The following FRMD6 variants were observed in gnomAD, a reference collection of about 807,000 sequenced individuals.
FRMD6 encodes FERM domain containing 6.
In FRMD6, 37 loss-of-function variants were observed where a neutral mutation model predicts 73.2. That is an observed-to-expected ratio of 0.51 (90% CI 0.39 to 0.66). FRMD6 has a LOEUF of 0.66. Ranked by LOEUF, FRMD6 falls within the 30% of genes least tolerant of loss-of-function variation. The pLI, the probability that FRMD6 is intolerant of heterozygous loss-of-function variation, is 0.00. For synonymous variants in FRMD6, 273 were observed against 282.2 expected (o/e 0.97, Z 0.33); for missense variants, 714 against 780.5 (o/e 0.91, Z 1.02).
intron 1 of FRMD6, among the ~76,000 whole-genome samples, chr14:51,493,078 A>T (rs1476979827): frequency 6.6e-6 from 1 of 152,086 alleles, no homozygotes; most frequent in Non-Finnish European, 1.5e-5. Context: ...TTTATTTAAA[A>T]CCACTTCCTA....
intron 2 of FRMD6, among the ~76,000 whole-genome samples, chr14:51,570,570 A>G (rs1170936737): frequency 6.6e-6 from 1 of 152,236 alleles, no homozygotes; most frequent in African/African-American, 2.4e-5. Flanking sequence ...AATACATTTG[A>G]GAGCAGTGGG....
chr14:51,630,805 G>A lies in FRMD6; in HGVS notation c.-146-58886G>A, dbSNP rs1290722063. ...CAGGTGGAAGAAAGTGCATGTAAATGTCAACTAATGAGAAAATGTAACAAT... is the reference window on the plus strand; with the variant it reads ...CAGGTGGAAGAAAGTGCATGTAAATATCAACTAATGAGAAAATGTAACAAT... On this transcript the variant is annotated intron_variant, in intron 2 of 14. Transcript: ENST00000356218. Among the ~76,000 whole-genome samples, 4 of 152,126 alleles carry A rather than the reference G, an allele frequency of 2.6e-5. No homozygotes were observed. In the East Asian group the frequency reaches 7.7e-4, roughly 29 times the overall value.
At chr14:51,406,009 T>C in the FRMD6 span, among the ~76,000 whole-genome samples, 1 of 152,234 alleles carries the variant, frequency 6.6e-6, no homozygotes, top group African/African-American at 2.4e-5. Flanking sequence ...TAGATTTTTG[T>C]ATATGGTGTA....
chr14:51,629,604 T>G (rs1485290045), intron 2 of FRMD6, among the ~76,000 whole-genome samples: 1 of 152,252 alleles, frequency 6.6e-6, no homozygotes, highest in Non-Finnish European at 1.5e-5. Flanking sequence ...CTTTTCAATT[T>G]GTAACAGACC....
chr14:51,638,658 A>T (rs1418456734), intron 2 of FRMD6, among the ~76,000 whole-genome samples: 2 of 152,220 alleles, frequency 1.3e-5, no homozygotes, highest in Non-Finnish European at 2.9e-5. Flanking sequence ...TGAAGCAATT[A>T]GAAACTTGAA....
At chr14:51,441,032 G>A in the FRMD6 span, among the ~76,000 whole-genome samples, 1 of 152,150 alleles carries the variant, frequency 6.6e-6, no homozygotes, top group South Asian at 2.1e-4. Context: ...ACCTGTTGTG[G>A]CAAATAAAAA....
At chr14:51,528,352 G>T (rs1388204256) in intron 1 of FRMD6, among the ~76,000 whole-genome samples, 1 of 152,152 alleles carries the variant, frequency 6.6e-6, no homozygotes, top group Admixed American at 6.5e-5. Flanking sequence ...AGGAGCACTA[G>T]GAATAGGCAG....
intron 4 of FRMD6, among the ~76,000 whole-genome samples, chr14:51,701,959 T>C (rs1318869968): frequency 6.6e-6 from 1 of 151,982 alleles, no homozygotes; most frequent in Non-Finnish European, 1.5e-5. Flanking sequence ...GGAATTCACC[T>C]CGTGTTTCCA....
chr14:51,499,002 T>C (rs1288924431), intron 1 of FRMD6, among the ~76,000 whole-genome samples: 1 of 152,230 alleles, frequency 6.6e-6, no homozygotes, highest in African/African-American at 2.4e-5. Flanking sequence ...TTGGAAAGAT[T>C]CCACCCATGC....
intron 1 of FRMD6, among the ~76,000 whole-genome samples, chr14:51,536,623 G>T (rs1885910290): frequency 6.6e-6 from 1 of 151,604 alleles, no homozygotes; most frequent in East Asian, 2.0e-4. Flanking sequence ...CACCATGTTG[G>T]CCAGGCTGGT....
the FRMD6 span, among the ~76,000 whole-genome samples, chr14:51,439,516 G>C: frequency 6.6e-6 from 1 of 152,034 alleles, no homozygotes; most frequent in Non-Finnish European, 1.5e-5. Flanking sequence ...CTCTGTCAAG[G>C]TTGGCTTTGG....
chr14:51,507,323 A>G (rs1175834246), intron 1 of FRMD6, among the ~76,000 whole-genome samples: 1 of 152,142 alleles, frequency 6.6e-6, no homozygotes, highest in Admixed American at 6.6e-5. Flanking sequence ...TGAGCATTGC[A>G]GTGGTGACAA....
intron 1 of FRMD6, among the ~76,000 whole-genome samples, chr14:51,680,142 G>GAAA (rs1894699085): frequency 6.6e-6 from 1 of 152,184 alleles, no homozygotes; most frequent in African/African-American, 2.4e-5. Flanking sequence ...TCCAACTGAA[G>GAAA]AAAAGCCTTA....
rs944674839 is a variant in FRMD6 at position 51,730,572 on chromosome 14, T to C, written c.*2543T>C. 2 of 152,634 alleles carry C rather than the reference T, an allele frequency of 1.3e-5. No homozygotes were observed. Among genetic ancestry groups the C allele is most frequent in the Admixed American group, 6.5e-5 (1 of 15,286 alleles). The allele number at this position is 152,634 out of a possible 1,614,324, so 9.5% of individuals were successfully genotyped here. Reference sequence around the variant, plus strand: ...TATATGCAACAGTGAGCTTTATATCTACATAAACTGTAAATAATCCTTTCT... The same window carrying C: ...TATATGCAACAGTGAGCTTTATATCCACATAAACTGTAAATAATCCTTTCT... On this transcript the variant is annotated 3_prime_UTR_variant, in exon 14 of 14. Transcript: ENST00000344768.
At chr14:51,420,979 G>C in the FRMD6 span, among the ~76,000 whole-genome samples, 2 of 152,138 alleles carry the variant, frequency 1.3e-5, no homozygotes, top group Non-Finnish European at 2.9e-5. Flanking sequence ...GTTTCACCAT[G>C]TTGGCCAGGC....
chr14:51,725,815 G>A lies in FRMD6; in HGVS notation c.1529G>A (p.Ser510Asn). 1 of 1,613,854 alleles carries A rather than the reference G, an allele frequency of 6.2e-7. No homozygotes were observed. The highest frequency in any genetic ancestry group is 8.5e-7 in the Non-Finnish European group (1 of 1,179,834). Residue 510 changes from serine to asparagine, a missense_variant, in exon 13 of 14, where the codon AGC (serine) becomes AAC (asparagine). By Grantham distance (46) the Ser-to-Asn change is conservative. Transcript: ENST00000344768. Reference sequence around the variant, plus strand: ...AAAGAAATTGGGTCTTCCACCTCGAGCTCTTCAGAAACAGTTGTTAAGCTT... The same window carrying A: ...AAAGAAATTGGGTCTTCCACCTCGAACTCTTCAGAAACAGTTGTTAAGCTT... ...IVKEIGSSTS[S>N]SSETVVKLRG... is the part of the protein sequence containing the mutation.
intron 1 of FRMD6, among the ~76,000 whole-genome samples, chr14:51,686,588 G>A (rs1208860330): frequency 6.6e-6 from 1 of 152,084 alleles, no homozygotes; most frequent in Non-Finnish European, 1.5e-5. Context: ...AGGCTGGGTG[G>A]GGTTTGATCA....
At chr14:51,607,813 G>A (rs1434297258) in intron 2 of FRMD6, among the ~76,000 whole-genome samples, 4 of 152,286 alleles carry the variant, frequency 2.6e-5, no homozygotes, top group Admixed American at 6.5e-5. Context: ...CCCCTTTCCC[G>A]GTTTCTGCCG....
chr14:51,691,011 G>C (rs1295796809), intron 2 of FRMD6, among the ~76,000 whole-genome samples: 1 of 152,068 alleles, frequency 6.6e-6, no homozygotes, highest in East Asian at 1.9e-4. Flanking sequence ...GGTCCTTTGT[G>C]ACCCCTCCTA....
Sources: allele counts gnomAD v4.1 joint callset (sites outside exome capture counted in the v4.1 genomes callset), GRCh38; gene constraint gnomAD v4.1.1; transcripts MANE v1.5; gene names NCBI Gene and HGNC (gene_info 2026-07-23, HGNC 2026-07-21).